The following ZNF470 variants were observed in gnomAD, a reference collection of about 807,000 sequenced individuals.
The protein encoded by ZNF470 is chondrogenesis zinc finger protein 1.
A neutral mutation model predicts 13.9 loss-of-function variants in ZNF470; 13 were observed. That is an observed-to-expected ratio of 0.94 (90% confidence interval 0.61 to 1.49). The LOEUF (loss-of-function observed/expected upper bound fraction) is 1.49, where lower values mean the gene tolerates loss of function less well. Ranked by LOEUF, ZNF470 falls within the 40% of genes most tolerant of loss-of-function variation. ZNF470 has a pLI of 0.00. For synonymous variants in ZNF470, 293 were observed against 282.9 expected (o/e 1.04, Z -0.36); for missense variants, 929 against 857.3 (o/e 1.08, Z -1.04).
chr19:56,572,510 C>T (rs866291895), intron 3 of ZNF470, among the ~76,000 whole-genome samples: 8 of 139,228 alleles, frequency 5.7e-5, no homozygotes, highest in Middle Eastern at 3.6e-3. Context: ...CCACTGCACT[C>T]CAGTCTGGGC....
Position 56,580,392 on chromosome 19 carries a change from C to T in ZNF470, c.*1809C>T, listed in dbSNP as rs2147990082. 6.5e-6 allele frequency: 1 copy of T among 154,582 alleles called. No individual in the cohort carries two copies. Among genetic ancestry groups the T allele is most frequent in the East Asian group, 1.9e-4 (1 of 5,178 alleles). The allele number at this position is 154,582 out of a possible 1,614,324, so 9.6% of individuals were successfully genotyped here. A position where few individuals can be genotyped will look rare whatever the true frequency, so the allele number is the denominator to read the frequency against. ...ACAGCTTTATTGAGACAAAGCAATT[C>T]TGGAGAACACCCATATCCTTCTCTC... On this transcript the variant is annotated 3_prime_UTR_variant, in exon 6 of 6. Transcript: ENST00000330619.
In ZNF470 at chr19:56,581,466, CA is replaced by C; in HGVS notation, c.*2890del. 4 of 941,472 alleles carry C rather than the reference CA, an allele frequency of 4.2e-6. No homozygotes were observed. The highest frequency in any genetic ancestry group is 3.8e-6 in the Non-Finnish European group (3 of 790,578). 58.3% of individuals were successfully genotyped at this position (941,472 alleles called of 1,614,324 possible). A position where few individuals can be genotyped will look rare whatever the true frequency, so the allele number is the denominator to read the frequency against. ...CAAAGGTAGATAAATGTATTAGTGG[CA>C]AAAAAATTAATGGTAAACTATTAAA... On this transcript the variant is annotated 3_prime_UTR_variant, in exon 6 of 6. Coordinates refer to ENST00000330619, the MANE Select transcript of ZNF470 (RefSeq NM_001001668.4).
chr19:56,568,418 T>G (rs2044426785), intron 1 of ZNF470, among the ~76,000 whole-genome samples: 1 of 152,120 alleles, frequency 6.6e-6, no homozygotes, highest in African/African-American at 2.4e-5. Flanking sequence ...CACTGTAGGA[T>G]TTGGGAAGAA....
chr19:56,580,055 C>T lies in ZNF470; in HGVS notation c.*1472C>T. The stretch of plus-strand genomic sequence containing the variant: ...CTAGTAGAACAGAAAAAATTAAATG[C>T]ATGCTATGTGATAAGTATATGATAT... On this transcript the variant is annotated 3_prime_UTR_variant, in exon 6 of 6. Coordinates refer to ENST00000330619, the MANE Select transcript of ZNF470 (RefSeq NM_001001668.4). 1.4e-6 allele frequency: 1 copy of T among 712,180 alleles called. No homozygotes were observed. Among genetic ancestry groups the T allele is most frequent in the Non-Finnish European group, 1.7e-6 (1 of 581,306 alleles). The allele number at this position is 712,180 out of a possible 1,614,324, so 44.1% of individuals were successfully genotyped here.
intron 3 of ZNF470, chr19:56,573,793 A>C: frequency 4.6e-6 from 1 of 215,148 alleles, no homozygotes; most frequent in Non-Finnish European, 8.0e-6. Flanking sequence ...TGAAGAAGTA[A>C]ATAAAAAAGG....
At chr19:56,568,104 G>T in intron 1 of ZNF470, 66 bp downstream of exon 1, 2 of 985,922 alleles carry the variant, frequency 2.0e-6, no homozygotes, top group Non-Finnish European at 2.4e-6. Context: ...GCTGTCTTTC[G>T]GGGTTCAGGT....
At position 56,580,000 on chromosome 19, in the gene ZNF470, A is replaced by T; in HGVS notation, c.*1417A>T. On this transcript the variant is annotated 3_prime_UTR_variant, in exon 6 of 6. Transcript: ENST00000330619. Reference sequence around the variant, plus strand: ...GTGCTGGGGGATACAGTAAGGTACAAGATGGACAAAAATACGTGCTCTTAC... The same window carrying T: ...GTGCTGGGGGATACAGTAAGGTACATGATGGACAAAAATACGTGCTCTTAC... The T allele has an allele frequency of 2.7e-6, 1 of 368,954 alleles. No homozygotes were observed. The highest frequency in any genetic ancestry group is 3.7e-6 in the Non-Finnish European group (1 of 266,808). The allele number at this position is 368,954 out of a possible 1,614,324, so 22.9% of individuals were successfully genotyped here.
rs2044515272 is a variant in ZNF470 at position 56,579,030 on chromosome 19, C to T, written c.*447C>T. On this transcript the variant is annotated 3_prime_UTR_variant, in exon 6 of 6. Transcript: ENST00000330619. ...ACTCAGAATTGAAAGATTTATGGTA[C>T]ACAAGGTAACATGGTGGCTTATCAC... is the stretch of plus-strand genomic sequence containing the variant. 1 of 982,556 alleles carries T rather than the reference C, an allele frequency of 1.0e-6. No homozygotes were observed. The highest frequency in any genetic ancestry group is 1.7e-5 in the African/African-American group (1 of 57,204). The allele number at this position is 982,556 out of a possible 1,614,324, so 60.9% of individuals were successfully genotyped here. A position where few individuals can be genotyped will look rare whatever the true frequency, so the allele number is the denominator to read the frequency against.
In ZNF470 at chr19:56,578,606, A is replaced by G; in HGVS notation, c.*23A>G. 1.4e-6 allele frequency: 2 copies of G among 1,479,884 alleles called. No homozygotes were observed. The highest frequency in any genetic ancestry group is 1.8e-6 in the Non-Finnish European group (2 of 1,113,176). The allele number at this position is 1,479,884 out of a possible 1,614,324, so 91.7% of individuals were successfully genotyped here. ...TAGATTCAATCTCGTAAATGCTTCTAGCATCCATCTGCTTTTTTCCAGCAC... is the reference window on the plus strand; with the variant it reads ...TAGATTCAATCTCGTAAATGCTTCTGGCATCCATCTGCTTTTTTCCAGCAC... On this transcript the variant is annotated 3_prime_UTR_variant, in exon 6 of 6. Coordinates refer to ENST00000330619, the MANE Select transcript of ZNF470 (RefSeq NM_001001668.4).
intron 5 of ZNF470, among the ~76,000 whole-genome samples, chr19:56,575,596 G>A (rs993510856): frequency 4.6e-5 from 7 of 151,880 alleles, no homozygotes; most frequent in Admixed American, 2.6e-4. Context: ...GGCCTGAAGC[G>A]TAGACTTTTC....
chr19:56,568,200 T>C (rs1328181247), intron 1 of ZNF470, among the ~76,000 whole-genome samples, 162 bp downstream of exon 1: 2 of 152,118 alleles, frequency 1.3e-5, no homozygotes, highest in African/African-American at 4.8e-5. Flanking sequence ...AGAGTGGAGC[T>C]GGGTTTAGTT....
Position 56,578,367 on chromosome 19 carries a change from GA to G in ZNF470, c.1941del (p.Lys647AsnfsTer106). 1 of 1,611,728 alleles carries G rather than the reference GA, an allele frequency of 6.2e-7. No individual in the cohort carries two copies. The highest frequency in any genetic ancestry group is 8.5e-7 in the Non-Finnish European group (1 of 1,178,778). ...TLHQRIHTGE[K>X]PYECKECSKA... ...TGCATCAGAGAATTCATACAGGAGAGAAACCTTATGAGTGTAAGGAATGTAG... is the reference window on the plus strand; with the variant it reads ...TGCATCAGAGAATTCATACAGGAGAGAACCTTATGAGTGTAAGGAATGTAG... On this transcript the variant is annotated frameshift_variant, in exon 6 of 6. Coordinates refer to ENST00000330619, the MANE Select transcript of ZNF470 (RefSeq NM_001001668.4). LOFTEE classifies it low-confidence loss of function (END_TRUNC).
In ZNF470 at chr19:56,577,228, C is replaced by T. The variant is rs183436320; in HGVS notation, c.799C>T (p.Gln267Ter). The stretch of plus-strand genomic sequence containing the variant: ...TATTGAATGTGGAAAGGCCTTTAGC[C>T]AGAGTGCCCACCTTGCTCAACATCA... ...ECIECGKAFS[Q>*]SAHLAQHQRI... is the part of the protein sequence containing the mutation. Residue 267 changes from glutamine to a stop codon, truncating the protein, a stop_gained, in exon 6 of 6, where the codon CAG (glutamine) becomes TAG (stop). Transcript: ENST00000330619. LOFTEE classifies it low-confidence loss of function (END_TRUNC). 200 of 1,611,752 alleles carry T rather than the reference C, an allele frequency of 1.2e-4. No homozygotes were observed. The highest frequency in any genetic ancestry group is 1.6e-4 in the Non-Finnish European group (187 of 1,179,002).
At chr19:56,575,274 A>G (rs1234861171) in intron 5 of ZNF470, among the ~76,000 whole-genome samples, 2 of 151,804 alleles carry the variant, frequency 1.3e-5, no homozygotes, top group African/African-American at 4.8e-5. Flanking sequence ...ACCTTTATGT[A>G]TTTATATATT....
In ZNF470 at chr19:56,581,934, T is replaced by C; in HGVS notation, c.*3351T>C. 8 of 985,468 alleles carry C rather than the reference T, an allele frequency of 8.1e-6. No homozygotes were observed. Among genetic ancestry groups the C allele is most frequent in the Non-Finnish European group, 8.4e-6 (7 of 829,936 alleles). 61.0% of individuals were successfully genotyped at this position (985,468 alleles called of 1,614,324 possible). ...CTTGGAACCACCCTGGTTTTTGTAC[T>C]TTCCAAGTCTGTGATTCCTCAAACT... On this transcript the variant is annotated 3_prime_UTR_variant, in exon 6 of 6. Coordinates refer to ENST00000330619, the MANE Select transcript of ZNF470 (RefSeq NM_001001668.4).
intron 5 of ZNF470, among the ~76,000 whole-genome samples, chr19:56,576,264 T>C (rs1316280711): frequency 6.6e-6 from 1 of 152,092 alleles, no homozygotes; most frequent in Non-Finnish European, 1.5e-5. Flanking sequence ...CAGAGAAATG[T>C]AGAATGTTGT....
Position 56,577,408 on chromosome 19 carries a change from C to G in ZNF470, c.979C>G (p.Leu327Val), listed in dbSNP as rs745653094. The G allele has an allele frequency of 1.8e-5, 29 of 1,613,822 alleles. No homozygotes were observed. The East Asian group carries it at 5.3e-4, about 30-fold the overall frequency. The change falls in exon 6 of 6, where the codon CTT (leucine) becomes GTT (valine). Residue 327 changes from leucine (L) to valine (V), a missense_variant. By Grantham distance (32) the Leu-to-Val change is conservative. Coordinates refer to ENST00000330619, the MANE Select transcript of ZNF470 (RefSeq NM_001001668.4). Reference sequence around the variant, plus strand: ...TAAAGCATTCAGCCAGCTTGCACACCTTGCTCAACATCAGAGGGTCCACAC... The same window carrying G: ...TAAAGCATTCAGCCAGCTTGCACACGTTGCTCAACATCAGAGGGTCCACAC... ...CNKAFSQLAH[L>V]AQHQRVHTGE...
At chr19:56,570,078 T>C in intron 2 of ZNF470, 1 of 505,096 alleles carries the variant, frequency 2.0e-6, no homozygotes, top group Non-Finnish European at 3.6e-6. Flanking sequence ...GGTCAAGAGA[T>C]ATTATGCTCA....
chr19:56,579,546 G>A lies in ZNF470; in HGVS notation c.*963G>A. ...TAATAGCCATGAAACACTGAAAAGG[G>A]TAGTTCAATACTTTGGCCTTTATAA... is the stretch of plus-strand genomic sequence containing the variant. On this transcript the variant is annotated 3_prime_UTR_variant, in exon 6 of 6. Transcript: ENST00000330619. 1 of 985,394 alleles carries A rather than the reference G, an allele frequency of 1.0e-6. No individual in the cohort carries two copies. The highest frequency in any genetic ancestry group is 1.2e-6 in the Non-Finnish European group (1 of 829,926). 61.0% of individuals were successfully genotyped at this position (985,394 alleles called of 1,614,324 possible). A position where few individuals can be genotyped will look rare whatever the true frequency, so the allele number is the denominator to read the frequency against.
Sources: gnomAD v4.1 joint callset for allele counts (sites outside exome capture counted in the v4.1 genomes callset) on GRCh38, gnomAD v4.1.1 for gene constraint, MANE v1.5 for transcripts, NCBI Gene and HGNC (gene_info 2026-07-23, HGNC 2026-07-21) for gene names.